GUCY1A2: variants seen among roughly 807,000 people sequenced by gnomAD.
GUCY1A2 encodes guanylate cyclase soluble subunit alpha-2.
In GUCY1A2, 27 loss-of-function variants were observed where a neutral mutation model predicts 63.5. The observed-to-expected ratio is 0.43, with a 90% CI of 0.31 to 0.59. The LOEUF (loss-of-function observed/expected upper bound fraction) is 0.59. Ranked by LOEUF, GUCY1A2 falls within the 20% of genes least tolerant of loss-of-function variation. The probability of loss-of-function intolerance (pLI) is 0.11; values close to 1 mark genes in which losing one functional copy is unlikely to be tolerated. For synonymous variants in GUCY1A2, 364 were observed against 343.5 expected (o/e 1.06, Z -0.66); for missense variants, 768 against 913.3 (o/e 0.84, Z 2.05).
intron 4 of GUCY1A2, among the ~76,000 whole-genome samples, chr11:106,843,999 TAAAG>T (rs1468816048): frequency 6.6e-6 from 1 of 151,836 alleles, no homozygotes; most frequent in Non-Finnish European, 1.5e-5. Context: ...AGGGCACTCT[TAAAG>T]AAGTCATTAT....
intron 4 of GUCY1A2, among the ~76,000 whole-genome samples, chr11:106,866,084 C>T (rs577831077): frequency 6.6e-6 from 1 of 151,874 alleles, no homozygotes; most frequent in Admixed American, 6.6e-5. Flanking sequence ...TTTTAGTATG[C>T]ATATTATAAA....
intron 4 of GUCY1A2, among the ~76,000 whole-genome samples, chr11:106,849,250 T>G (rs990085240): frequency 1.3e-5 from 2 of 151,484 alleles, no homozygotes; most frequent in African/African-American, 4.8e-5. Flanking sequence ...TAGTGAACTG[T>G]GTTAGGTCTT....
intron 5 of GUCY1A2, among the ~76,000 whole-genome samples, chr11:106,779,692 G>A (rs1864424793): frequency 6.6e-6 from 1 of 151,974 alleles, no homozygotes; most frequent in Non-Finnish European, 1.5e-5. Context: ...AAATATGTAT[G>A]ACTAGAATTT....
At chr11:106,741,019 G>A (rs1019832101) in intron 6 of GUCY1A2, among the ~76,000 whole-genome samples, 1 of 152,174 alleles carries the variant, frequency 6.6e-6, no homozygotes, top group African/African-American at 2.4e-5. Flanking sequence ...TCTTGGAGCA[G>A]AGAGCATGCC....
chr11:106,885,376 C>G (rs1296628965), intron 4 of GUCY1A2, among the ~76,000 whole-genome samples: 10 of 152,182 alleles, frequency 6.6e-5, no homozygotes, highest in Admixed American at 6.6e-4. Flanking sequence ...TTGATCTGTC[C>G]TATTAGGAGG....
chr11:106,723,856 C>A (rs1863358842), intron 6 of GUCY1A2, among the ~76,000 whole-genome samples: 1 of 151,958 alleles, frequency 6.6e-6, no homozygotes, highest in African/African-American at 2.4e-5. Context: ...GAATTTAAAC[C>A]ACTTCTTAAA....
intron 4 of GUCY1A2, among the ~76,000 whole-genome samples, chr11:106,931,281 T>G (rs1860597801): frequency 6.6e-6 from 1 of 152,172 alleles, no homozygotes; most frequent in Non-Finnish European, 1.5e-5. Context: ...TCTTTAGTCA[T>G]CAGGGAAGTA....
At chr11:106,820,778 T>C (rs1266303731) in intron 4 of GUCY1A2, among the ~76,000 whole-genome samples, 1 of 152,138 alleles carries the variant, frequency 6.6e-6, no homozygotes, top group Non-Finnish European at 1.5e-5. Context: ...GAAAAGTGTA[T>C]GTGTGAGGAG....
chr11:106,940,524 A>G (rs957027167), intron 3 of GUCY1A2, among the ~76,000 whole-genome samples: 1 of 152,138 alleles, frequency 6.6e-6, no homozygotes. Context: ...AGCCTGCCCC[A>G]TTATCATATC....
intron 5 of GUCY1A2, among the ~76,000 whole-genome samples, chr11:106,787,235 A>G (rs988716161): frequency 2.0e-5 from 3 of 151,728 alleles, no homozygotes; most frequent in African/African-American, 7.3e-5. Context: ...GTGCCAGCAA[A>G]TACTAGGTCT....
chr11:106,700,406 A>T (rs538551465), intron 7 of GUCY1A2, among the ~76,000 whole-genome samples: 7 of 152,182 alleles, frequency 4.6e-5, no homozygotes, highest in Non-Finnish European at 8.8e-5. Context: ...TTTCTGGGGA[A>T]AATGCTTTTT....
In GUCY1A2 at chr11:107,018,125, G is replaced by A; in HGVS notation, c.-70C>T. On this transcript the variant is annotated 5_prime_UTR_variant, in exon 1 of 8. Coordinates refer to ENST00000526355, the MANE Select transcript of GUCY1A2 (RefSeq NM_000855.3). ...GCGAGCGGCGGCGGAGGCGGCGGTG[G>A]CGGGACCGGCAAGCGACAACGTTAA... 1 of 1,053,570 alleles carries A rather than the reference G, an allele frequency of 9.5e-7. No individual in the cohort carries two copies. Among genetic ancestry groups the A allele is most frequent in the Non-Finnish European group, 1.3e-6 (1 of 797,692 alleles). The allele number at this position is 1,053,570 out of a possible 1,614,324, so 65.3% of individuals were successfully genotyped here.
Position 106,683,024 on chromosome 11 carries a change from A to G in GUCY1A2, c.*4525T>C. ...GTCCATAGCTGAGGTCAACTTACCCATTTAACAATAAATTTTGTTCAATCA... is the reference window on the plus strand; with the variant it reads ...GTCCATAGCTGAGGTCAACTTACCCGTTTAACAATAAATTTTGTTCAATCA... On this transcript the variant is annotated 3_prime_UTR_variant, in exon 8 of 8. Coordinates refer to ENST00000526355, the MANE Select transcript of GUCY1A2 (RefSeq NM_000855.3). 4.6e-6 allele frequency: 1 copy of G among 217,024 alleles called. No individual in the cohort carries two copies. Among genetic ancestry groups the G allele is most frequent in the East Asian group, 6.8e-5 (1 of 14,776 alleles). The allele number at this position is 217,024 out of a possible 1,614,324, so 13.4% of individuals were successfully genotyped here.
At chr11:106,978,570 C>T (rs1446708136) in intron 3 of GUCY1A2, 49 bp downstream of exon 3, 3 of 1,270,258 alleles carry the variant, frequency 2.4e-6, no homozygotes, top group Non-Finnish European at 3.3e-6. Context: ...CTCGACTTTC[C>T]CTCTCTTTCA....
intron 5 of GUCY1A2, among the ~76,000 whole-genome samples, chr11:106,794,595 T>G (rs1263990834): frequency 6.6e-6 from 1 of 152,120 alleles, no homozygotes; most frequent in Non-Finnish European, 1.5e-5. Context: ...ATACAATCTA[T>G]GCATATATCA....
intron 3 of GUCY1A2, among the ~76,000 whole-genome samples, chr11:106,968,406 G>C (rs1037713043): frequency 6.6e-6 from 1 of 152,078 alleles, no homozygotes; most frequent in African/African-American, 2.4e-5. Flanking sequence ...AAGAATAAAA[G>C]CATAAATGTA....
intron 4 of GUCY1A2, among the ~76,000 whole-genome samples, chr11:106,910,463 T>C (rs1215397359): frequency 6.6e-6 from 1 of 152,016 alleles, no homozygotes; most frequent in Admixed American, 6.6e-5. Context: ...ATTTTTAAGG[T>C]TTTTAAATTA....
intron 4 of GUCY1A2, among the ~76,000 whole-genome samples, chr11:106,926,303 G>T (rs1480300912): frequency 6.6e-6 from 1 of 151,730 alleles, no homozygotes; most frequent in Non-Finnish European, 1.5e-5. Context: ...CTGGGCCTAG[G>T]GGTGCACACC....
At chr11:106,744,631 G>A (rs1430822468) in intron 6 of GUCY1A2, among the ~76,000 whole-genome samples, 1 of 152,052 alleles carries the variant, frequency 6.6e-6, no homozygotes, top group East Asian at 1.9e-4. Flanking sequence ...TAATAAGTTT[G>A]TTTTAGGAGT....
Sources: gnomAD v4.1 joint callset for allele counts (sites outside exome capture counted in the v4.1 genomes callset) on GRCh38, gnomAD v4.1.1 for gene constraint, MANE v1.5 for transcripts, NCBI Gene and HGNC (gene_info 2026-07-23, HGNC 2026-07-21) for gene names.